RXRA: variants seen among roughly 807,000 people sequenced by gnomAD.
The protein encoded by RXRA is retinoic acid receptor RXR-alpha.
Under a neutral mutation model 44.5 loss-of-function variants are expected in RXRA, and 5 were observed. The observed-to-expected ratio is 0.11, with a 90% CI of 0.06 to 0.24. The LOEUF (loss-of-function observed/expected upper bound fraction) is 0.24, where lower values mean the gene tolerates loss of function less well. Ranked by LOEUF, RXRA falls within the 10% of genes least tolerant of loss-of-function variation. The pLI is 1.00. For synonymous variants in RXRA, 291 were observed against 271.4 expected (o/e 1.07, Z -0.71); for missense variants, 412 against 646.5 (o/e 0.64, Z 3.93).
chr9:134,353,433 C>T (rs577643515), intron 1 of RXRA, among the ~76,000 whole-genome samples: 2 of 152,298 alleles, frequency 1.3e-5, no homozygotes, highest in Admixed American at 6.5e-5. Context: ...TGCATGTACA[C>T]CGCACGTGTA....
intron 1 of RXRA, among the ~76,000 whole-genome samples, chr9:134,336,156 C>T (rs1300654726): frequency 2.6e-5 from 4 of 152,154 alleles, no homozygotes; most frequent in South Asian, 4.1e-4. Flanking sequence ...AGTGGCAAGG[C>T]GGGCCTGGCA....
intron 1 of RXRA, among the ~76,000 whole-genome samples, chr9:134,391,638 G>A (rs1254280177): frequency 2.6e-5 from 4 of 152,298 alleles, no homozygotes; most frequent in African/African-American, 4.8e-5. Flanking sequence ...CTGCCCAGGA[G>A]CCCCTGCCTG....
In RXRA at chr9:134,439,503, C is replaced by G. The variant is rs956072783; in HGVS notation, c.*2889C>G. 6.6e-6 allele frequency: 1 copy of G among 152,328 alleles called. No individual in the cohort carries two copies. Among genetic ancestry groups the G allele is most frequent in the African/African-American group, 2.4e-5 (1 of 41,480 alleles). 9.4% of individuals were successfully genotyped at this position (152,328 alleles called of 1,614,324 possible). On this transcript the variant is annotated 3_prime_UTR_variant, in exon 10 of 10. Coordinates refer to ENST00000481739, the MANE Select transcript of RXRA (RefSeq NM_002957.6). ...CCTCCGCACCCTGGAAGCACACGGC[C>G]TCTGGGAAGGACAGCCCTGACCTTC...
chr9:134,420,772 C>G lies in RXRA; in HGVS notation c.781-904C>G, dbSNP rs565641372. Among the ~76,000 whole-genome samples the G allele has an allele frequency of 7.9e-5, 12 of 152,326 alleles. No individual in the cohort carries two copies. The East Asian group carries it at 2.3e-3, about 29-fold the overall frequency. ...CCCATTGCTCAGGACACAGAAGGTC[C>G]GTGACCCAAGCCCCACCTGCCAGGA... is the stretch of plus-strand genomic sequence containing the variant. On this transcript the variant is annotated intron_variant, in intron 5 of 9. Transcript: ENST00000481739.
At chr9:134,435,882 T>C (rs1191630741) in intron 9 of RXRA, among the ~76,000 whole-genome samples, 2 of 152,240 alleles carry the variant, frequency 1.3e-5, no homozygotes, top group African/African-American at 2.4e-5. Context: ...TTTTCATTTT[T>C]TGAGAGACAG....
At chr9:134,357,621 G>A (rs1304226299) in intron 1 of RXRA, among the ~76,000 whole-genome samples, 2 of 152,034 alleles carry the variant, frequency 1.3e-5, no homozygotes, top group Non-Finnish European at 2.9e-5. Context: ...CCAAGGGTTC[G>A]GCTGTGGTTT....
At chr9:134,357,849 A>G (rs922856865) in intron 1 of RXRA, among the ~76,000 whole-genome samples, 1 of 152,166 alleles carries the variant, frequency 6.6e-6, no homozygotes, top group East Asian at 1.9e-4. Flanking sequence ...TTCCCTGGCA[A>G]CCTTCACACT....
At chr9:134,391,338 G>A (rs1371309740) in intron 1 of RXRA, among the ~76,000 whole-genome samples, 2 of 152,162 alleles carry the variant, frequency 1.3e-5, no homozygotes, top group Admixed American at 6.5e-5. Context: ...CCGCCCTGAG[G>A]GTGGAAAGCC....
chr9:134,346,736 G>A (rs986336773), intron 1 of RXRA, among the ~76,000 whole-genome samples: 3 of 152,222 alleles, frequency 2.0e-5, no homozygotes, highest in South Asian at 2.1e-4. Flanking sequence ...CTGTCTGCTC[G>A]CACTTGTGTG....
intron 1 of RXRA, among the ~76,000 whole-genome samples, chr9:134,352,671 C>T (rs1830235929): frequency 1.3e-5 from 2 of 152,320 alleles, no homozygotes; most frequent in African/African-American, 4.8e-5. Context: ...GGGTCAGCTG[C>T]CCCAAGGAAA....
rs1019815638 is a variant in RXRA, at chr9:134,407,718, C to T, written c.280-431C>T. Reference sequence around the variant, plus strand: ...CGTCCTGGGAACTGGGCTTCGGCGTCCTCATGTGTGGGTTGGGACCCCCCA... The same window carrying T: ...CGTCCTGGGAACTGGGCTTCGGCGTTCTCATGTGTGGGTTGGGACCCCCCA... On this transcript the variant is annotated intron_variant, in intron 2 of 9. Transcript: ENST00000481739. The surrounding 1 kb of genome is among the most constrained non-coding windows in gnomAD (Gnocchi z 4.8). 2.0e-5 allele frequency among the ~76,000 whole-genome samples: 3 copies of T among 152,100 alleles called. No individual in the cohort carries two copies. Among genetic ancestry groups the T allele is most frequent in the Non-Finnish European group, 4.4e-5 (3 of 67,982 alleles).
At chr9:134,339,932 T>C (rs1830066365) in intron 1 of RXRA, among the ~76,000 whole-genome samples, 1 of 152,098 alleles carries the variant, frequency 6.6e-6, no homozygotes, top group South Asian at 2.1e-4. Flanking sequence ...TGTATGTGAG[T>C]GTGCACGCCT....
At chr9:134,431,224 C>T (rs1178122106) in intron 7 of RXRA, among the ~76,000 whole-genome samples, 4 of 152,234 alleles carry the variant, frequency 2.6e-5, no homozygotes, top group African/African-American at 9.6e-5. Context: ...GGCTAGGGGG[C>T]CCAGTACACT....
At chr9:134,402,210 C>T in intron 2 of RXRA, 1 of 374,824 alleles carries the variant, frequency 2.7e-6, no homozygotes, top group Non-Finnish European at 4.8e-6. Context: ...CTGTGGCCTC[C>T]CTCAGGCCTA....
intron 1 of RXRA, among the ~76,000 whole-genome samples, chr9:134,377,070 G>A (rs868259782): frequency 6.6e-6 from 1 of 152,322 alleles, no homozygotes; most frequent in East Asian, 1.9e-4. Flanking sequence ...GGCCGACCCT[G>A]TGAGGGGCTG....
In RXRA at chr9:134,426,949, T is replaced by C; in HGVS notation, c.911-2159T>C. ...GGAGAGCATTTGCTCTCACTGGATGTCAGACCCAGTGCCTCTCAGCCTGGG... is the reference window on the plus strand; with the variant it reads ...GGAGAGCATTTGCTCTCACTGGATGCCAGACCCAGTGCCTCTCAGCCTGGG... On this transcript the variant is annotated intron_variant, in intron 6 of 9. Transcript: ENST00000481739. The surrounding 1 kb of genome is among the most constrained non-coding windows in gnomAD (Gnocchi z 4.6). The C allele has an allele frequency of 1.0e-6, 1 of 985,226 alleles. No homozygotes were observed. Among genetic ancestry groups the C allele is most frequent in the Non-Finnish European group, 1.2e-6 (1 of 829,884 alleles). The allele number at this position is 985,226 out of a possible 1,614,324, so 61.0% of individuals were successfully genotyped here.
At chr9:134,358,371 TA>T (rs1052404531) in intron 1 of RXRA, among the ~76,000 whole-genome samples, 1 of 152,142 alleles carries the variant, frequency 6.6e-6, no homozygotes, top group African/African-American at 2.4e-5. Flanking sequence ...TCAGCCTGGG[TA>T]GGGTGGAGCT....
At chr9:134,330,103 G>C (rs1212325617) in intron 1 of RXRA, among the ~76,000 whole-genome samples, 3 of 152,206 alleles carry the variant, frequency 2.0e-5, no homozygotes, top group Admixed American at 1.3e-4. Context: ...AAATGTTTCA[G>C]GGCTGGGACC....
intron 6 of RXRA, among the ~76,000 whole-genome samples, chr9:134,428,655 C>T (rs1051565226): frequency 3.3e-5 from 5 of 152,220 alleles, no homozygotes; most frequent in Non-Finnish European, 7.3e-5. Context: ...GCGGCTCTCA[C>T]GCACCTGCCT....
Sources: gnomAD v4.1 joint callset for allele counts (sites outside exome capture counted in the v4.1 genomes callset) on GRCh38, gnomAD v4.1.1 for gene constraint, Gnocchi (gnomAD v3.1) non-coding constraint, MANE v1.5 for transcripts, NCBI Gene and HGNC (gene_info 2026-07-23, HGNC 2026-07-21) for gene names.